The following PTGIS variants were observed in gnomAD, a reference collection of about 807,000 sequenced individuals.
PTGIS encodes the protein prostacyclin synthase.
In PTGIS, 45 loss-of-function variants were observed where a neutral mutation model predicts 50.3. That is an observed-to-expected ratio of 0.90 (90% CI 0.70 to 1.15). The LOEUF (loss-of-function observed/expected upper bound fraction) is 1.15, where lower values mean the gene tolerates loss of function less well. Among genes scored for constraint, PTGIS ranks in the 50% most tolerant of loss-of-function variants. The pLI, the probability that PTGIS is intolerant of heterozygous loss-of-function variation, is 0.00. For missense variants in PTGIS, 668 were observed against 661.3 expected (o/e 1.01, Z -0.11); for synonymous variants, 260 against 267.7 (o/e 0.97, Z 0.28).
chr20:49,524,196 C>G lies in PTGIS; in HGVS notation c.717G>C (p.Lys239Asn). ...HMCSVKSRLW[K>N]LLSPARLARR... Reference sequence around the variant, plus strand: ...TGGCCAGCCTGGCTGGGGATAGCAGCTTCCACAGGCGACTTTTGACACTGC... The same window carrying G: ...TGGCCAGCCTGGCTGGGGATAGCAGGTTCCACAGGCGACTTTTGACACTGC... The change falls in exon 6 of 10, where the codon AAG becomes AAC. Residue 239 changes from lysine to asparagine, a missense_variant. Physicochemically the swap from Lys to Asn is moderately conservative, Grantham distance 94. Transcript: ENST00000244043. 1 of 1,614,228 alleles carries G rather than the reference C, an allele frequency of 6.2e-7. No individual in the cohort carries two copies.
intron 5 of PTGIS, among the ~76,000 whole-genome samples, chr20:49,533,601 A>C (rs1390847968): frequency 6.6e-6 from 1 of 152,236 alleles, no homozygotes; most frequent in African/African-American, 2.4e-5. Context: ...TCTTGTAAAA[A>C]ATGATTTTCT....
chr20:49,511,734 G>C (rs2122837969), intron 8 of PTGIS, among the ~76,000 whole-genome samples: 1 of 152,334 alleles, frequency 6.6e-6, no homozygotes, highest in Non-Finnish European at 1.5e-5. Flanking sequence ...TGAGCACAGA[G>C]CTTGGCATGG....
Position 49,539,863 on chromosome 20 carries a change from G to A in PTGIS, c.522-142C>T, listed in dbSNP as rs1047970560. On this transcript the variant is annotated intron_variant, in intron 4 of 9. Transcript: ENST00000244043. ...CAAAGACCATTCTGGGCACTGAACA[G>A]TCGGCAGTGAAAAAAACAAAAATCC... 9 of 1,218,930 alleles carry A rather than the reference G, an allele frequency of 7.4e-6. No homozygotes were observed. The Admixed American group carries it at 8.5e-5, about 12-fold the overall frequency. The allele number at this position is 1,218,930 out of a possible 1,614,324, so 75.5% of individuals were successfully genotyped here.
intron 5 of PTGIS, among the ~76,000 whole-genome samples, chr20:49,535,445 C>T (rs1010494342): frequency 6.6e-6 from 1 of 152,190 alleles, no homozygotes; most frequent in Non-Finnish European, 1.5e-5. Flanking sequence ...AGAATATTGA[C>T]ATCTGTCAGA....
intron 5 of PTGIS, among the ~76,000 whole-genome samples, chr20:49,525,137 T>C (rs767399590): frequency 6.6e-6 from 1 of 151,674 alleles, no homozygotes; most frequent in African/African-American, 2.4e-5. Flanking sequence ...AGTCTCAAAC[T>C]CAACTCACTC....
intron 1 of PTGIS, among the ~76,000 whole-genome samples, chr20:49,552,856 G>T (rs1401413220): frequency 6.6e-6 from 1 of 151,694 alleles, no homozygotes; most frequent in Non-Finnish European, 1.5e-5. Context: ...TTTATAACAG[G>T]AGAAAAAAAG....
intron 1 of PTGIS, among the ~76,000 whole-genome samples, chr20:49,566,375 G>C (rs889176449): frequency 2.0e-5 from 3 of 152,234 alleles, no homozygotes; most frequent in Non-Finnish European, 1.5e-5. Flanking sequence ...CTAAAATCTG[G>C]AGTGAAAAGA....
intron 1 of PTGIS, among the ~76,000 whole-genome samples, chr20:49,566,653 C>T (rs780927638): frequency 5.9e-5 from 9 of 152,186 alleles, no homozygotes; most frequent in African/African-American, 1.7e-4. Context: ...TTTTCAGACA[C>T]GAATGTAAAC....
chr20:49,530,154 CA>C (rs58592527), intron 5 of PTGIS, among the ~76,000 whole-genome samples: 112,876 of 128,912 alleles, frequency 0.88, 49,187 homozygotes, highest in East Asian at 0.97. Context: ...AACTCTGTCT[CA>C]AAAAAAAAAA....
intron 2 of PTGIS, among the ~76,000 whole-genome samples, chr20:49,549,469 G>T (rs917615283): frequency 3.4e-4 from 52 of 152,218 alleles, no homozygotes; most frequent in Non-Finnish European, 1.8e-4. Flanking sequence ...TGAATCCAGA[G>T]ATATGGAACC....
rs1981124179 is a variant in PTGIS, at chr20:49,505,434, G to C, written c.*2486C>G. On this transcript the variant is annotated 3_prime_UTR_variant, in exon 10 of 10. Coordinates refer to ENST00000244043, the MANE Select transcript of PTGIS (RefSeq NM_000961.4). Reference sequence around the variant, plus strand: ...AGGTAACAGCTGGAGCTGCCTGGTGGGAGCACATCTTTTCCTTGAGTGTAA... The same window carrying C: ...AGGTAACAGCTGGAGCTGCCTGGTGCGAGCACATCTTTTCCTTGAGTGTAA... 1 of 152,238 alleles carries C rather than the reference G, an allele frequency of 6.6e-6. No individual in the cohort carries two copies. The highest frequency in any genetic ancestry group is 1.9e-4 in the East Asian group (1 of 5,192). The allele number at this position is 152,238 out of a possible 1,614,324, so 9.4% of individuals were successfully genotyped here.
intron 1 of PTGIS, among the ~76,000 whole-genome samples, chr20:49,565,132 G>C (rs1001666565): frequency 1.6e-5 from 2 of 122,292 alleles, no homozygotes; most frequent in African/African-American, 6.5e-5. Context: ...CACCACGCCC[G>C]GCTAATTTTT....
chr20:49,531,647 A>C (rs1981939293), intron 5 of PTGIS, among the ~76,000 whole-genome samples: 1 of 151,946 alleles, frequency 6.6e-6, no homozygotes, highest in African/African-American at 2.4e-5. Flanking sequence ...TTTTCTTTTG[A>C]GACAAGGTCT....
intron 5 of PTGIS, among the ~76,000 whole-genome samples, chr20:49,529,687 C>A (rs1388508177): frequency 6.6e-6 from 1 of 152,198 alleles, no homozygotes; most frequent in Non-Finnish European, 1.5e-5. Context: ...ACACTGTAGA[C>A]CACACCTGCC....
intron 1 of PTGIS, among the ~76,000 whole-genome samples, chr20:49,565,148 A>T (rs1982865616): frequency 6.8e-6 from 1 of 146,082 alleles, no homozygotes. Context: ...TTTTTTTTGT[A>T]TTTTTTTTTT....
chr20:49,559,293 A>G (rs1409243863), intron 1 of PTGIS, among the ~76,000 whole-genome samples: 3 of 152,190 alleles, frequency 2.0e-5, no homozygotes, highest in South Asian at 2.1e-4. Context: ...TTTATCTTCT[A>G]TATAAACAAG....
At chr20:49,550,342 T>C (rs972471094) in intron 1 of PTGIS, among the ~76,000 whole-genome samples, 153 bp from the exon 2 acceptor site, 1 of 152,176 alleles carries the variant, frequency 6.6e-6, no homozygotes, top group African/African-American at 2.4e-5. Context: ...TTTTCTCTTG[T>C]AACATGTGGA....
At chr20:49,550,215 C>T (rs746762459) in intron 1 of PTGIS, 26 bp from the exon 2 acceptor site, 32 of 1,609,560 alleles carry the variant, frequency 2.0e-5, no homozygotes, top group Non-Finnish European at 2.6e-5. Flanking sequence ...CACTTGTCAC[C>T]ATTTGATAAG....
intron 3 of PTGIS, 110 bp from the exon 4 acceptor site, chr20:49,544,558 CAA>C (rs1982312718): frequency 2.5e-6 from 3 of 1,204,686 alleles, no homozygotes; most frequent in Non-Finnish European, 2.4e-6. Flanking sequence ...TCCCCATTGG[CAA>C]AGAGGTCCTG....
Sources: gnomAD v4.1 joint callset for allele counts (sites outside exome capture counted in the v4.1 genomes callset) on GRCh38, gnomAD v4.1.1 for gene constraint, MANE v1.5 for transcripts, NCBI Gene and HGNC (gene_info 2026-07-23, HGNC 2026-07-21) for gene names.